Variants in MRPS27 observed in about 807,000 individuals in gnomAD.
MRPS27 encodes the protein mitochondrial ribosomal protein S27.
Under a neutral mutation model 48.9 loss-of-function variants are expected in MRPS27, and 43 were observed. The observed-to-expected ratio is 0.88, with a 90% CI of 0.69 to 1.13. MRPS27 has a LOEUF of 1.13. Ranked by LOEUF, MRPS27 falls within the 50% of genes most tolerant of loss-of-function variation. The pLI is 0.00. For synonymous variants in MRPS27, 188 were observed against 171.9 expected (o/e 1.09, Z -0.73); for missense variants, 467 against 476.3 (o/e 0.98, Z 0.18).
At chr5:72,309,195 A>G (rs572974672) in intron 2 of MRPS27, among the ~76,000 whole-genome samples, 1 of 152,126 alleles carries the variant, frequency 6.6e-6, no homozygotes, top group African/African-American at 2.4e-5. Context: ...GGTGGCTAGT[A>G]CTGCTTTTCC....
At chr5:72,256,145 C>T (rs541483427) in intron 4 of MRPS27, among the ~76,000 whole-genome samples, 8 of 152,334 alleles carry the variant, frequency 5.3e-5, no homozygotes, top group African/African-American at 1.4e-4. Flanking sequence ...TCAAATGTCA[C>T]CATTTGCTAT....
intron 4 of MRPS27, among the ~76,000 whole-genome samples, chr5:72,277,941 G>A (rs181388566): frequency 1.3e-5 from 2 of 152,136 alleles, no homozygotes; most frequent in Non-Finnish European, 2.9e-5. Context: ...GTGAGATGAG[G>A]GGGTGGAGGA....
chr5:72,253,225 G>A (rs1000758984), intron 4 of MRPS27, among the ~76,000 whole-genome samples: 2 of 152,032 alleles, frequency 1.3e-5, no homozygotes, highest in African/African-American at 4.8e-5. Flanking sequence ...TTTGCTCGTT[G>A]TCTCCTCTCC....
intron 2 of MRPS27, among the ~76,000 whole-genome samples, chr5:72,301,108 T>C (rs1231899591): frequency 2.0e-5 from 3 of 152,250 alleles, no homozygotes; most frequent in Admixed American, 6.5e-5. Context: ...TAAGTATTTG[T>C]TGAAAACCTA....
intron 4 of MRPS27, among the ~76,000 whole-genome samples, chr5:72,242,712 G>A (rs891823654): frequency 1.6e-5 from 2 of 125,122 alleles, no homozygotes; most frequent in Admixed American, 7.6e-5. Flanking sequence ...ACACACTCAC[G>A]GCACTCATAG....
In MRPS27 at chr5:72,220,591, T is replaced by G. The variant is rs2111923823; in HGVS notation, c.*318A>C. On this transcript the variant is annotated 3_prime_UTR_variant, in exon 11 of 11. Coordinates refer to ENST00000261413, the MANE Select transcript of MRPS27 (RefSeq NM_015084.3). Reference sequence around the variant, plus strand: ...ACTCTTCAGCCTTGGTTTCTCCCAGTACTGTCACTGGGTCTTAGGAACTTT... The same window carrying G: ...ACTCTTCAGCCTTGGTTTCTCCCAGGACTGTCACTGGGTCTTAGGAACTTT... The G allele has an allele frequency of 7.1e-6, 2 of 283,058 alleles. No homozygotes were observed. The highest frequency in any genetic ancestry group is 2.2e-5 in the African/African-American group (1 of 45,958). The allele number at this position is 283,058 out of a possible 1,614,324, so 17.5% of individuals were successfully genotyped here.
At chr5:72,271,143 C>G (rs577277142) in intron 4 of MRPS27, among the ~76,000 whole-genome samples, 2 of 152,000 alleles carry the variant, frequency 1.3e-5, no homozygotes, top group African/African-American at 4.8e-5. Context: ...GCTAGTGCAA[C>G]AAGGCAAGAA....
rs145249428 is a variant in MRPS27, at chr5:72,261,060, C to T, written c.282-22932G>A. On this transcript the variant is annotated intron_variant, in intron 4 of 10. Coordinates refer to ENST00000261413, the MANE Select transcript of MRPS27 (RefSeq NM_015084.3). ...TGTATTTTTAGTAGAGACAGGGTTT[C>T]GCCATGTTGCCCAGACTGGTCTCGA... is the stretch of plus-strand genomic sequence containing the variant. Among the ~76,000 whole-genome samples the T allele has an allele frequency of 3.7e-3, 567 of 152,142 alleles. 1 individual carries two copies. Among genetic ancestry groups the T allele is most frequent in the African/African-American group, 0.013 (550 of 41,480 alleles).
At chr5:72,268,952 C>T (rs554147694) in intron 4 of MRPS27, among the ~76,000 whole-genome samples, 3 of 152,302 alleles carry the variant, frequency 2.0e-5, no homozygotes, top group African/African-American at 7.2e-5. Context: ...TGTACATCCA[C>T]TTAAGGAAGC....
At chr5:72,223,952 A>G (rs1184719470) in intron 9 of MRPS27, 102 bp from the exon 10 acceptor site, 1 of 1,114,672 alleles carries the variant, frequency 9.0e-7, no homozygotes, top group Non-Finnish European at 1.3e-6. Flanking sequence ...ATGAGCTCTA[A>G]AAGACTGTGA....
At chr5:72,248,655 C>T (rs1192539939) in intron 4 of MRPS27, among the ~76,000 whole-genome samples, 1 of 144,732 alleles carries the variant, frequency 6.9e-6, no homozygotes, top group Non-Finnish European at 1.5e-5. Context: ...GGTTCCACCC[C>T]CACCATTTTC....
intron 5 of MRPS27, 127 bp from the exon 6 acceptor site, chr5:72,234,324 T>A: frequency 1.2e-6 from 1 of 839,252 alleles, no homozygotes; most frequent in South Asian, 3.5e-5. Context: ...ACTATCATTT[T>A]ACAGCATCTG....
intron 5 of MRPS27, 23 bp downstream of exon 5, chr5:72,237,991 T>C: frequency 1.3e-6 from 2 of 1,540,498 alleles, no homozygotes; most frequent in Non-Finnish European, 1.8e-6. Context: ...GAAAACAGGC[T>C]GCAGATCCAC....
intron 4 of MRPS27, among the ~76,000 whole-genome samples, chr5:72,276,547 A>G (rs187759484): frequency 5.3e-5 from 8 of 152,350 alleles, no homozygotes; most frequent in African/African-American, 1.9e-4. Flanking sequence ...ATTGCAACAT[A>G]AACAGAAAAT....
At chr5:72,300,562 C>T (rs1750102181) in intron 2 of MRPS27, among the ~76,000 whole-genome samples, 1 of 152,200 alleles carries the variant, frequency 6.6e-6, no homozygotes, top group African/African-American at 2.4e-5. Flanking sequence ...ATATGCTTTT[C>T]CTATCTCAGT....
At chr5:72,276,729 G>T (rs2112026219) in intron 4 of MRPS27, among the ~76,000 whole-genome samples, 1 of 151,538 alleles carries the variant, frequency 6.6e-6, no homozygotes, top group East Asian at 1.9e-4. Context: ...AAAAAAAAAT[G>T]CCACTAAAAA....
chr5:72,275,774 C>T (rs1249603262), intron 4 of MRPS27, among the ~76,000 whole-genome samples: 4 of 152,090 alleles, frequency 2.6e-5, no homozygotes, highest in Admixed American at 1.3e-4. Flanking sequence ...CCCCACTGGC[C>T]GGGGTTGGGC....
intron 4 of MRPS27, among the ~76,000 whole-genome samples, chr5:72,247,914 ATGAC>A (rs1748549024): frequency 6.6e-6 from 1 of 151,108 alleles, no homozygotes; most frequent in African/African-American, 2.5e-5. Flanking sequence ...TTGGAACATA[ATGAC>A]TATTTGTAGT....
At chr5:72,294,326 C>G (rs1296464547) in intron 4 of MRPS27, among the ~76,000 whole-genome samples, 1 of 151,940 alleles carries the variant, frequency 6.6e-6, no homozygotes, top group African/African-American at 2.4e-5. Context: ...ACAACAACAA[C>G]AACAACAAAA....
Sources: gnomAD v4.1 joint callset for allele counts (sites outside exome capture counted in the v4.1 genomes callset) on GRCh38, gnomAD v4.1.1 for gene constraint, MANE v1.5 for transcripts, NCBI Gene and HGNC (gene_info 2026-07-23, HGNC 2026-07-21) for gene names.